TNS3: variants seen among roughly 807,000 people sequenced by gnomAD.
The protein encoded by TNS3 is tensin 3, also known as tensin-3.
A neutral mutation model predicts 140.9 loss-of-function variants in TNS3; 45 were observed. The observed-to-expected ratio is 0.32, with a 90% CI of 0.25 to 0.41. The LOEUF is 0.41. Among genes scored for constraint, TNS3 ranks in the 10% least tolerant of loss-of-function variants. The probability of loss-of-function intolerance (pLI) is 1.00; values close to 1 mark genes in which losing one functional copy is unlikely to be tolerated. For missense variants in TNS3, 1,716 were observed against 1,906.7 expected (o/e 0.90, Z 1.86); for synonymous variants, 815 against 788.4 (o/e 1.03, Z -0.56).
intron 3 of TNS3, among the ~76,000 whole-genome samples, chr7:47,502,223 G>A (rs1021970923): frequency 6.6e-6 from 1 of 152,178 alleles, no homozygotes; most frequent in Non-Finnish European, 1.5e-5. Flanking sequence ...ATGGGGAGAG[G>A]GGGCTGGAGA....
rs1784870673 is a variant in TNS3 at position 47,276,374 on chromosome 7, T to A, written c.*1702A>T. On this transcript the variant is annotated 3_prime_UTR_variant, in exon 31 of 31. Coordinates refer to ENST00000311160, the MANE Select transcript of TNS3 (RefSeq NM_022748.12). The stretch of plus-strand genomic sequence containing the variant: ...ACTGTGATTTGGCTGCTTCCAACTC[T>A]GCCTGTTTCTAAGTTTTCCTCGGCC... 6.5e-6 allele frequency: 1 copy of A among 152,714 alleles called. No homozygotes were observed. Among genetic ancestry groups the A allele is most frequent in the Non-Finnish European group, 1.5e-5 (1 of 68,268 alleles). 9.5% of individuals were successfully genotyped at this position (152,714 alleles called of 1,614,324 possible).
chr7:47,531,559 T>G (rs969349069), intron 1 of TNS3, among the ~76,000 whole-genome samples: 11 of 152,206 alleles, frequency 7.2e-5, no homozygotes, highest in Admixed American at 3.9e-4. Context: ...TTTCTTATTA[T>G]TTAAAGCTCA....
intron 10 of TNS3, among the ~76,000 whole-genome samples, chr7:47,417,844 T>C (rs1393315758): frequency 6.6e-6 from 1 of 152,144 alleles, no homozygotes; most frequent in Admixed American, 6.5e-5. Context: ...CAATGCCTTA[T>C]AAAAACAACA....
At chr7:47,280,801 T>C (rs141240420) in intron 28 of TNS3, among the ~76,000 whole-genome samples, 40 of 152,128 alleles carry the variant, frequency 2.6e-4, no homozygotes, top group African/African-American at 8.4e-4. Context: ...TAATTCCAGC[T>C]ACTTGGGAGG....
intron 1 of TNS3, among the ~76,000 whole-genome samples, chr7:47,541,945 T>C (rs143019093): frequency 7.6e-6 from 1 of 131,104 alleles, no homozygotes; most frequent in Admixed American, 7.0e-5. Context: ...CGAGACTCCA[T>C]CTCAAAAAAA....
intron 12 of TNS3, among the ~76,000 whole-genome samples, chr7:47,413,283 G>A (rs777653681): frequency 2.9e-5 from 3 of 105,064 alleles, no homozygotes; most frequent in Admixed American, 1.4e-4. Context: ...TTTGACTCTC[G>A]CTCTGTCACC....
intron 8 of TNS3, among the ~76,000 whole-genome samples, chr7:47,434,927 T>A (rs1007891462): frequency 6.6e-6 from 1 of 152,242 alleles, no homozygotes; most frequent in African/African-American, 2.4e-5. Context: ...ACAGTCCATC[T>A]GAAAAGGGCA....
chr7:47,564,193 C>CAAAA (rs57005793), intron 1 of TNS3, among the ~76,000 whole-genome samples: 4 of 97,924 alleles, frequency 4.1e-5, no homozygotes, highest in Non-Finnish European at 5.9e-5. Flanking sequence ...GACTCTGTCT[C>CAAAA]AAAAAAAAAA....
rs546150846 is a variant in TNS3 at position 47,574,320 on chromosome 7, G to A, written c.-265+7731C>T. On this transcript the variant is annotated intron_variant, in intron 1 of 30. Transcript: ENST00000311160. ...AGAGTTTACACAATCTGTCAAAATA[G>A]CTTGGTAAGAAGTCTCCCTCTTCCT... Among the ~76,000 whole-genome samples, 3 of 151,906 alleles carry A rather than the reference G, an allele frequency of 2.0e-5. No homozygotes were observed. The South Asian group carries it at 6.2e-4, about 32-fold the overall frequency.
At chr7:47,555,255 G>GC (rs1452349867) in intron 1 of TNS3, among the ~76,000 whole-genome samples, 2 of 151,612 alleles carry the variant, frequency 1.3e-5, no homozygotes, top group Non-Finnish European at 2.9e-5. Flanking sequence ...ACCAAAACTA[G>GC]CCGGGTGTGG....
At chr7:47,475,536 G>GGC (rs1797160784) in intron 4 of TNS3, among the ~76,000 whole-genome samples, 1 of 152,054 alleles carries the variant, frequency 6.6e-6, no homozygotes, top group African/African-American at 2.4e-5. Flanking sequence ...ACTTCCCCGG[G>GGC]GGGGGGGCCA....
intron 1 of TNS3, among the ~76,000 whole-genome samples, chr7:47,532,133 C>T (rs1241843006): frequency 6.6e-6 from 1 of 152,190 alleles, no homozygotes; most frequent in Non-Finnish European, 1.5e-5. Context: ...TCTCCTCTCC[C>T]GGCCCCCCAC....
chr7:47,470,521 G>C (rs757030952), intron 4 of TNS3: 57 of 985,340 alleles, frequency 5.8e-5, no homozygotes, highest in Non-Finnish European at 6.7e-5. Flanking sequence ...GCTTACAGGT[G>C]AGTCCAGGGA....
At chr7:47,305,435 C>T (rs1380987666) in intron 20 of TNS3, among the ~76,000 whole-genome samples, 2 of 152,262 alleles carry the variant, frequency 1.3e-5, no homozygotes, top group African/African-American at 4.8e-5. Context: ...AACCAGCAGG[C>T]GACTTCTCCC....
intron 16 of TNS3, among the ~76,000 whole-genome samples, chr7:47,387,178 G>C (rs1048840303): frequency 5.3e-5 from 8 of 152,210 alleles, no homozygotes; most frequent in African/African-American, 1.9e-4. Context: ...ACTTTCAATA[G>C]CAGAACTTGA....
intron 2 of TNS3, 61 bp from the exon 3 acceptor site, chr7:47,507,005 C>T (rs1475719414): frequency 4.8e-6 from 6 of 1,238,656 alleles, no homozygotes; most frequent in Middle Eastern, 2.2e-4. Flanking sequence ...AGAATTCTTA[C>T]ATCTTCAAAC....
intron 1 of TNS3, among the ~76,000 whole-genome samples, chr7:47,544,831 T>C (rs1214950813): frequency 6.6e-6 from 1 of 152,038 alleles, no homozygotes; most frequent in East Asian, 1.9e-4. Flanking sequence ...AATGAGAACA[T>C]AGGAAACTGT....
At chr7:47,296,356 G>A (rs77155808) in intron 24 of TNS3, among the ~76,000 whole-genome samples, 5,101 of 152,296 alleles carry the variant, frequency 0.033, 144 homozygotes, top group Non-Finnish European at 0.05. Flanking sequence ...CACTGTTGGT[G>A]AGAGTGTAAA....
At chr7:47,403,412 A>G (rs1793269010) in intron 13 of TNS3, 1 of 152,164 alleles carries the variant, frequency 6.6e-6, no homozygotes. Context: ...AAGCTTTCAA[A>G]TACTCCTAAG....
Sources: allele counts gnomAD v4.1 joint callset (sites outside exome capture counted in the v4.1 genomes callset), GRCh38; gene constraint gnomAD v4.1.1; transcripts MANE v1.5; gene names NCBI Gene and HGNC (gene_info 2026-07-23, HGNC 2026-07-21).